Variants in ATP8A2 observed in about 807,000 individuals in gnomAD.
The protein encoded by ATP8A2 is phospholipid-transporting ATPase IB.
In ATP8A2, 100 loss-of-function variants were observed where a neutral mutation model predicts 165.6. That is an observed-to-expected ratio of 0.60 (90% confidence interval 0.51 to 0.71). The LOEUF (loss-of-function observed/expected upper bound fraction) is 0.71, where lower values mean the gene tolerates loss of function less well. Ranked by LOEUF, ATP8A2 falls within the 30% of genes least tolerant of loss-of-function variation. The pLI is 0.00. For missense variants in ATP8A2, 1,227 were observed against 1,479.5 expected, an observed-to-expected ratio of 0.83 and a Z score of 2.80; for synonymous variants, 543 against 548.8, an observed-to-expected ratio of 0.99 and a Z score of 0.15.
chr13:25,962,218 G>A (rs1313546741), intron 34 of ATP8A2, among the ~76,000 whole-genome samples: 6 of 152,184 alleles, frequency 3.9e-5, no homozygotes, highest in South Asian at 2.1e-4. Context: ...AAGTGGTCAC[G>A]GATATGGCCT....
intron 1 of ATP8A2, among the ~76,000 whole-genome samples, chr13:25,407,784 A>C (rs1033368764): frequency 1.3e-5 from 2 of 152,184 alleles, no homozygotes; most frequent in Non-Finnish European, 2.9e-5. Flanking sequence ...TGCTGGGGAG[A>C]TCTACATGGG....
chr13:25,860,912 T>C (rs746894792), intron 32 of ATP8A2, 52 bp downstream of exon 32: 8 of 1,258,758 alleles, frequency 6.4e-6, no homozygotes, highest in Non-Finnish European at 8.0e-6. Flanking sequence ...TTTTTCATGC[T>C]AGGATTTCTT....
intron 33 of ATP8A2, among the ~76,000 whole-genome samples, chr13:25,907,184 T>C (rs1262549439): frequency 1.3e-5 from 2 of 152,020 alleles, no homozygotes; most frequent in South Asian, 2.1e-4. Flanking sequence ...GAGTAACCAC[T>C]GTGCTACCCG....
intron 28 of ATP8A2, among the ~76,000 whole-genome samples, chr13:25,829,692 A>ATATC (rs1176907071): frequency 1.7e-5 from 1 of 57,502 alleles, no homozygotes; most frequent in Non-Finnish European, 3.7e-5. Flanking sequence ...ATATATATAT[A>ATATC]TATATATATA....
chr13:25,859,067 G>A (rs1001420993), intron 30 of ATP8A2, among the ~76,000 whole-genome samples: 3 of 152,004 alleles, frequency 2.0e-5, no homozygotes, highest in Non-Finnish European at 2.9e-5. Flanking sequence ...GCCAGGCATG[G>A]TGGCGGGCAC....
intron 2 of ATP8A2, among the ~76,000 whole-genome samples, chr13:25,528,782 A>G (rs2037926808): frequency 1.3e-5 from 1 of 77,526 alleles, no homozygotes; most frequent in East Asian, 2.0e-4. Context: ...ATGCACACAT[A>G]TGCAACATGT....
At chr13:25,966,923 G>C (rs1955789653) in intron 34 of ATP8A2, among the ~76,000 whole-genome samples, 1 of 152,164 alleles carries the variant, frequency 6.6e-6, no homozygotes, top group African/African-American at 2.4e-5. Flanking sequence ...GAGAGAGAGG[G>C]AGGGTGATGG....
At chr13:25,647,959 G>T (rs957841377) in intron 24 of ATP8A2, among the ~76,000 whole-genome samples, 29 of 152,166 alleles carry the variant, frequency 1.9e-4, no homozygotes, top group African/African-American at 7.0e-4. Context: ...AAAGTGCTGG[G>T]ATTACAGACA....
At chr13:25,536,973 A>G (rs2038306185) in intron 6 of ATP8A2, among the ~76,000 whole-genome samples, 2 of 152,176 alleles carry the variant, frequency 1.3e-5, no homozygotes, top group African/African-American at 4.8e-5. Context: ...CAGCTTGCGG[A>G]GATCACAAAG....
intron 2 of ATP8A2, among the ~76,000 whole-genome samples, chr13:25,472,855 A>G (rs8001435): frequency 0.31 from 46,748 of 152,040 alleles, 8,037 homozygotes; most frequent in African/African-American, 0.48. Context: ...ACCCTAAGCC[A>G]GTTTTGGTTT....
intron 13 of ATP8A2, among the ~76,000 whole-genome samples, chr13:25,555,885 G>C (rs1203532206): frequency 6.6e-6 from 1 of 151,776 alleles, no homozygotes; most frequent in African/African-American, 2.4e-5. Flanking sequence ...TTGGCTTTCT[G>C]TTCTTGCATT....
chr13:25,574,977 A>T, intron 19 of ATP8A2, 120 bp downstream of exon 19: 1 of 513,112 alleles, frequency 1.9e-6, no homozygotes, highest in African/African-American at 2.0e-5. Context: ...AAATATAATA[A>T]ATGTATCTCC....
intron 1 of ATP8A2, among the ~76,000 whole-genome samples, chr13:25,412,656 A>G (rs1177561516): frequency 6.6e-6 from 1 of 152,170 alleles, no homozygotes; most frequent in African/African-American, 2.4e-5. Flanking sequence ...GGCCTCGTGC[A>G]TCTAGTTATA....
chr13:25,950,452 C>T (rs1279925906), intron 33 of ATP8A2, among the ~76,000 whole-genome samples: 2 of 152,176 alleles, frequency 1.3e-5, no homozygotes, highest in African/African-American at 2.4e-5. Context: ...AAGGGCCTCA[C>T]CTTTCTCTCA....
At chr13:25,764,883 CCT>C (rs2044458906) in intron 25 of ATP8A2, among the ~76,000 whole-genome samples, 1 of 152,088 alleles carries the variant, frequency 6.6e-6, no homozygotes, top group African/African-American at 2.4e-5. Flanking sequence ...AGATCCAGCC[CCT>C]CTTTGACAAC....
At chr13:25,516,783 C>CTTT (rs770018909) in intron 2 of ATP8A2, among the ~76,000 whole-genome samples, 7,324 of 135,786 alleles carry the variant, frequency 0.054, 288 homozygotes, top group South Asian at 0.12. Flanking sequence ...TTCTTTCTTA[C>CTTT]TTTTTTTTTT....
intron 27 of ATP8A2, among the ~76,000 whole-genome samples, chr13:25,812,302 C>T (rs949130158): frequency 8.0e-5 from 12 of 150,422 alleles, no homozygotes; most frequent in African/African-American, 2.2e-4. Context: ...CTGAAGCACC[C>T]TCTCCTCCAG....
At chr13:25,869,068 C>CAAAAA (rs60945309) in intron 33 of ATP8A2, among the ~76,000 whole-genome samples, 11 of 72,326 alleles carry the variant, frequency 1.5e-4, no homozygotes, top group Admixed American at 5.4e-4. Context: ...GACTCCGTCT[C>CAAAAA]AAAAAAAAAA....
intron 16 of ATP8A2, among the ~76,000 whole-genome samples, chr13:25,565,181 C>T (rs1456748941): frequency 6.6e-6 from 1 of 152,262 alleles, no homozygotes; most frequent in South Asian, 2.1e-4. Flanking sequence ...CCACAATTCA[C>T]AGTTGTGAAT....
Sources: gnomAD v4.1 joint callset for allele counts (sites outside exome capture counted in the v4.1 genomes callset) on GRCh38, gnomAD v4.1.1 for gene constraint, MANE v1.5 for transcripts, NCBI Gene and HGNC (gene_info 2026-07-23, HGNC 2026-07-21) for gene names.